ELF4: variants seen among roughly 807,000 people sequenced by gnomAD.
ELF4 encodes the protein ETS-related transcription factor Elf-4.
In ELF4, 10 loss-of-function variants were observed where a neutral mutation model predicts 31.7. The ratio of observed to expected loss-of-function variants is 0.32; its 90% CI spans 0.19 to 0.54. The LOEUF is 0.54. Ranked by LOEUF, ELF4 falls within the 20% of genes least tolerant of loss-of-function variation. ELF4 has a pLI of 0.95. For missense variants in ELF4, 418 were observed against 522.0 expected (o/e 0.80, Z 1.94); for synonymous variants, 208 against 226.7 (o/e 0.92, Z 0.74).
intron 1 of ELF4, among the ~76,000 whole-genome samples, chrX:130,082,436 C>G (rs747939979): frequency 8.9e-6 from 1 of 112,144 alleles, no homozygotes; most frequent in Non-Finnish European, 1.9e-5. Flanking sequence ...AACTGTCACC[C>G]TGGGAACTGG....
intron 1 of ELF4, among the ~76,000 whole-genome samples, chrX:130,088,715 A>G (rs759668638): frequency 8.9e-6 from 1 of 112,243 alleles, no homozygotes; most frequent in Non-Finnish European, 1.9e-5. Context: ...TCCATCTCAA[A>G]AAAACAAACA....
rs747649963 is a variant in ELF4 at position 130,067,328 on chromosome X, G to C, written c.1385C>G (p.Ser462Cys). The C allele has an allele frequency of 8.3e-7, 1 of 1,210,977 alleles. No individual in the cohort carries two copies. Among genetic ancestry groups the C allele is most frequent in the South Asian group, 1.8e-5 (1 of 56,919 alleles). The change falls in exon 9 of 9, where the codon TCT becomes TGT. Residue 462 changes from serine to cysteine, a missense_variant. Around this residue, in one of 4 missense-constraint regions of ELF4, gnomAD observed 260 missense variants for 269.2 expected, o/e 0.97. Transcript: ENST00000308167. ...TFKDTFTLQASFPLNASFQDS... is the reference protein window; with the variant it reads ...TFKDTFTLQACFPLNASFQDS... ...TTGGAAACTGGCGTTCAGGGGGAAA[G>C]AGGCCTGCAAAGTGAAGGTGTCCTT...
chrX:130,102,126 G>A (rs970868316), intron 1 of ELF4, among the ~76,000 whole-genome samples: 2 of 112,763 alleles, frequency 1.8e-5, no homozygotes, highest in East Asian at 2.8e-4. Flanking sequence ...CAGCCTGGGC[G>A]ACGGAGTGGG....
intron 1 of ELF4, among the ~76,000 whole-genome samples, chrX:130,103,175 T>G (rs961910844): frequency 1.8e-5 from 2 of 112,150 alleles, no homozygotes; most frequent in African/African-American, 6.5e-5. Context: ...AAAGAAAAGT[T>G]GAAAAGTTGC....
intron 2 of ELF4, among the ~76,000 whole-genome samples, chrX:130,079,198 CTG>C (rs1932864858): frequency 9.0e-6 from 1 of 111,137 alleles, no homozygotes; most frequent in African/African-American, 3.3e-5. Flanking sequence ...TGGCTCACGT[CTG>C]TAATCCCAGC....
intron 7 of ELF4, among the ~76,000 whole-genome samples, chrX:130,070,771 C>CAAAA (rs748643492): frequency 2.1e-4 from 5 of 23,782 alleles, no homozygotes; most frequent in Non-Finnish European, 2.2e-4. Context: ...GACTCCATCT[C>CAAAA]AAAAAAAAAA....
At position 130,067,309 on chromosome X, in the gene ELF4, A is replaced by T. The variant is rs1445718791; in HGVS notation, c.1404T>A (p.Ser468Arg). The T allele has an allele frequency of 5.8e-6, 7 of 1,210,571 alleles. No homozygotes were observed. Among genetic ancestry groups the T allele is most frequent in the Non-Finnish European group, 7.8e-6 (7 of 895,233 alleles). ...GGGCTGCCACCTGGCTGTCTTGGAAACTGGCGTTCAGGGGGAAAGAGGCCT... is the reference window on the plus strand; with the variant it reads ...GGGCTGCCACCTGGCTGTCTTGGAATCTGGCGTTCAGGGGGAAAGAGGCCT... The part of the protein sequence containing the change: ...TLQASFPLNA[S>R]FQDSQVAAPG... Residue 468 changes from serine to arginine, a missense_variant, in exon 9 of 9, where the codon AGT (serine) becomes AGA (arginine). By Grantham distance (110) the Ser-to-Arg change is moderately radical. Transcript: ENST00000308167.
At chrX:130,083,848 A>C (rs937376548) in intron 1 of ELF4, among the ~76,000 whole-genome samples, 2 of 109,972 alleles carry the variant, frequency 1.8e-5, no homozygotes, top group African/African-American at 6.6e-5. Flanking sequence ...GGATGGATGG[A>C]TGGATGGATG....
chrX:130,089,622 C>T (rs1243400014), intron 1 of ELF4, among the ~76,000 whole-genome samples: 1 of 106,378 alleles, frequency 9.4e-6, no homozygotes, highest in Non-Finnish European at 1.9e-5. Context: ...TATCATCCAA[C>T]TTCTGCTACC....
intron 1 of ELF4, among the ~76,000 whole-genome samples, chrX:130,095,244 G>A (rs1933129268): frequency 8.9e-6 from 1 of 112,264 alleles, no homozygotes; most frequent in African/African-American, 3.2e-5. Context: ...GCCGGGGTTT[G>A]AACCTAGCTT....
chrX:130,107,252 T>C (rs1188294800), intron 1 of ELF4, among the ~76,000 whole-genome samples: 1 of 110,244 alleles, frequency 9.1e-6, no homozygotes. Flanking sequence ...CACTCCAGCC[T>C]GGGCGACAGA....
intron 1 of ELF4, among the ~76,000 whole-genome samples, chrX:130,088,409 G>A (rs1440851850): frequency 9.0e-6 from 1 of 110,647 alleles, no homozygotes; most frequent in Non-Finnish European, 1.9e-5. Flanking sequence ...GGGTGTTCTC[G>A]CTAAGAATGT....
chrX:130,077,887 G>A (rs1417403570), intron 2 of ELF4, among the ~76,000 whole-genome samples: 4 of 111,696 alleles, frequency 3.6e-5, no homozygotes, highest in African/African-American at 1.3e-4. Context: ...TTCTTAATTT[G>A]GGTGGTGAGG....
chrX:130,097,804 C>G (rs1323628982), intron 1 of ELF4, among the ~76,000 whole-genome samples: 1 of 113,033 alleles, frequency 8.8e-6, no homozygotes, highest in Admixed American at 9.3e-5. Flanking sequence ...TTGCACTGAG[C>G]TTGCCTTCAT....
rs769681618 is a variant in ELF4 at position 130,081,286 on chromosome X, T to C, written c.45A>G (p.Ala15=). 9 of 1,212,148 alleles carry C rather than the reference T, an allele frequency of 7.4e-6. No homozygotes were observed. The highest frequency in any genetic ancestry group is 4.3e-5 in the Admixed American group (2 of 46,073). The change falls in exon 2 of 9, where the codon GCA becomes GCG. Residue 15 remains alanine, a synonymous_variant. Coordinates refer to ENST00000308167, the MANE Select transcript of ELF4 (RefSeq NM_001421.4). ...LQPSDLIFEF[A]SNGMDDDIHQ... is the part of the protein sequence containing the mutation. ...GGATATCATCATCCATCCCGTTGCTTGCGAACTCAAAGATCAGGTCACTGG... is the reference window on the plus strand; with the variant it reads ...GGATATCATCATCCATCCCGTTGCTCGCGAACTCAAAGATCAGGTCACTGG...
At chrX:130,107,707 C>T (rs1307645853) in intron 1 of ELF4, among the ~76,000 whole-genome samples, 1 of 112,532 alleles carries the variant, frequency 8.9e-6, no homozygotes, top group African/African-American at 3.2e-5. Flanking sequence ...CTGCATTAGG[C>T]AATATCGTAA....
intron 1 of ELF4, among the ~76,000 whole-genome samples, chrX:130,093,756 G>A (rs1354899203): frequency 5.4e-5 from 6 of 112,069 alleles, no homozygotes; most frequent in Admixed American, 9.5e-5. Flanking sequence ...TGGCTTCCCC[G>A]TAGTGATATT....
Position 130,081,355 on chromosome X carries a change from C to A in ELF4, c.-25G>T, listed in dbSNP as rs749504954. The A allele has an allele frequency of 1.7e-6, 2 of 1,199,057 alleles. No homozygotes were observed. Among genetic ancestry groups the A allele is most frequent in the East Asian group, 3.0e-5 (1 of 33,754 alleles). ...TGCTGTCTTTTCAGAGAGCTGACAA[C>A]GGGATTATCAGAGCCCTCCAGAGCT... is the stretch of plus-strand genomic sequence containing the variant. On this transcript the variant is annotated 5_prime_UTR_variant, in exon 2 of 9. Coordinates refer to ENST00000308167, the MANE Select transcript of ELF4 (RefSeq NM_001421.4).
intron 1 of ELF4, among the ~76,000 whole-genome samples, chrX:130,091,677 A>G (rs1933059123): frequency 9.0e-6 from 1 of 111,214 alleles, no homozygotes; most frequent in Non-Finnish European, 1.9e-5. Context: ...ACAACTCAGC[A>G]GATTCTCATC....
Sources: gnomAD v4.1 joint callset for allele counts (sites outside exome capture counted in the v4.1 genomes callset) on GRCh38, gnomAD v4.1.1 for gene constraint, gnomAD v4.1.1 regional missense constraint, MANE v1.5 for transcripts, NCBI Gene and HGNC (gene_info 2026-07-23, HGNC 2026-07-21) for gene names.